PLA2G5: variants seen among roughly 807,000 people sequenced by gnomAD.
The protein encoded by PLA2G5 is Ca2+-dependent phospholipase A2.
PLA2G5 carries 12 observed loss-of-function variants against 15.9 expected under a neutral mutation model. The ratio of observed to expected loss-of-function variants is 0.76; its 90% confidence interval spans 0.48 to 1.23. PLA2G5 has a LOEUF of 1.23. Ranked by LOEUF, PLA2G5 falls within the 50% of genes most tolerant of loss-of-function variation. PLA2G5 has a pLI of 0.00. For missense variants in PLA2G5, 169 were observed against 177.1 expected (o/e 0.95, Z 0.26); for synonymous variants, 71 against 71.4 (o/e 0.99, Z 0.03).
intron 1 of PLA2G5, among the ~76,000 whole-genome samples, chr1:20,045,752 G>A (rs1325767858): frequency 2.0e-5 from 3 of 152,164 alleles, no homozygotes; most frequent in African/African-American, 7.2e-5. Flanking sequence ...TCTCCCAGTG[G>A]AGGCTCCCCT....
At chr1:20,035,769 G>T (rs2013210868) in intron 1 of PLA2G5, among the ~76,000 whole-genome samples, 1 of 152,094 alleles carries the variant, frequency 6.6e-6, no homozygotes, top group Non-Finnish European at 1.5e-5. Context: ...TGTGCTAGAT[G>T]TTGCCTGAAC....
At chr1:20,045,192 C>T (rs537711099) in intron 1 of PLA2G5, among the ~76,000 whole-genome samples, 12 of 152,192 alleles carry the variant, frequency 7.9e-5, no homozygotes, top group Middle Eastern at 3.4e-3. Context: ...CTTGAGAACA[C>T]AGGATAAGGG....
chr1:20,046,754 C>A (rs1046803312), intron 1 of PLA2G5, among the ~76,000 whole-genome samples: 3 of 152,132 alleles, frequency 2.0e-5, no homozygotes, highest in Non-Finnish European at 2.9e-5. Flanking sequence ...TGTGTTATGG[C>A]AAATGGGAGC....
chr1:20,045,761 C>T (rs191705151), intron 1 of PLA2G5, among the ~76,000 whole-genome samples: 71 of 152,308 alleles, frequency 4.7e-4, no homozygotes, highest in Admixed American at 3.6e-3. Context: ...GGAGGCTCCC[C>T]TATCCAAGTC....
intron 1 of PLA2G5, among the ~76,000 whole-genome samples, chr1:20,043,888 C>T (rs1337800520): frequency 1.3e-5 from 2 of 152,138 alleles, no homozygotes; most frequent in African/African-American, 4.8e-5. Context: ...TGAGAGTTAC[C>T]TGAAGCTAGG....
intron 1 of PLA2G5, among the ~76,000 whole-genome samples, chr1:20,041,259 T>C (rs1413374537): frequency 6.6e-6 from 1 of 152,068 alleles, no homozygotes; most frequent in African/African-American, 2.4e-5. Context: ...TTTGCTGAGG[T>C]CTGGGAGCAC....
At chr1:20,083,871 T>A (rs1227726794) in intron 1 of PLA2G5, among the ~76,000 whole-genome samples, 4 of 151,628 alleles carry the variant, frequency 2.6e-5, no homozygotes, top group Non-Finnish European at 5.9e-5. Flanking sequence ...AGAACAGTAA[T>A]ACCTACCCTG....
At chr1:20,051,369 G>A (rs1254486271) in intron 1 of PLA2G5, among the ~76,000 whole-genome samples, 2 of 152,196 alleles carry the variant, frequency 1.3e-5, no homozygotes, top group African/African-American at 4.8e-5. Flanking sequence ...ATATGAAGCA[G>A]AACAGGAATT....
chr1:20,076,996 C>T (rs962340812), intron 1 of PLA2G5: 1 of 152,278 alleles, frequency 6.6e-6, no homozygotes, highest in Non-Finnish European at 1.5e-5. Flanking sequence ...GTTTCCATGG[C>T]TACCCTTGGC....
At chr1:20,030,559 C>A (rs952836370) in intron 1 of PLA2G5, among the ~76,000 whole-genome samples, 1 of 151,994 alleles carries the variant, frequency 6.6e-6, no homozygotes, top group Non-Finnish European at 1.5e-5. Context: ...GCAAAGAGGC[C>A]TTCCTCTTTC....
intron 1 of PLA2G5, among the ~76,000 whole-genome samples, chr1:20,082,144 A>T (rs1448309289): frequency 2.0e-5 from 3 of 151,938 alleles, no homozygotes; most frequent in South Asian, 2.1e-4. Flanking sequence ...AGCAGGGATG[A>T]AAAGAAGTAA....
At chr1:20,079,435 C>T (rs1381762074) in intron 1 of PLA2G5, among the ~76,000 whole-genome samples, 2 of 152,150 alleles carry the variant, frequency 1.3e-5, no homozygotes, top group Non-Finnish European at 2.9e-5. Context: ...TGATATAGAG[C>T]CTGTGATGTT....
upstream of PLA2G5, among the ~76,000 whole-genome samples, chr1:20,068,503 G>A (rs1450683547): frequency 6.7e-6 from 1 of 149,870 alleles, no homozygotes; most frequent in Non-Finnish European, 1.5e-5. Context: ...CCAGGCTGGA[G>A]TGCAATGGCA....
At chr1:20,041,403 C>A (rs1456680454) in intron 1 of PLA2G5, among the ~76,000 whole-genome samples, 1 of 152,082 alleles carries the variant, frequency 6.6e-6, no homozygotes, top group Non-Finnish European at 1.5e-5. Context: ...AGGGGTGGGG[C>A]AGTTTTATAG....
chr1:20,068,596 C>G (rs577229006), upstream of PLA2G5, among the ~76,000 whole-genome samples: 1 of 151,884 alleles, frequency 6.6e-6, no homozygotes, highest in South Asian at 2.1e-4. Flanking sequence ...GGATTACAGG[C>G]ATGTGCCACC....
intron 1 of PLA2G5, among the ~76,000 whole-genome samples, chr1:20,049,570 C>T (rs977592550): frequency 2.6e-5 from 4 of 152,088 alleles, no homozygotes; most frequent in Non-Finnish European, 5.9e-5. Flanking sequence ...TTTTCCCTTG[C>T]TGTTCTCATG....
intron 1 of PLA2G5, among the ~76,000 whole-genome samples, chr1:20,074,915 T>C (rs775369167): frequency 6.6e-6 from 1 of 152,100 alleles, no homozygotes; most frequent in Admixed American, 6.5e-5. Context: ...TCAGCCCCAA[T>C]TCCCTCCCTT....
intron 1 of PLA2G5, among the ~76,000 whole-genome samples, chr1:20,039,984 A>G (rs1278597758): frequency 6.6e-6 from 1 of 152,190 alleles, no homozygotes; most frequent in Non-Finnish European, 1.5e-5. Flanking sequence ...ACCACAATGG[A>G]CTGGTATGGG....
intron 2 of PLA2G5, among the ~76,000 whole-genome samples, chr1:20,062,747 C>G (rs189794762): frequency 6.6e-6 from 1 of 152,286 alleles, no homozygotes; most frequent in Non-Finnish European, 1.5e-5. Context: ...GGAAGGGGCG[C>G]TGTCAATGTG....
Sources: gnomAD v4.1 joint callset for allele counts (sites outside exome capture counted in the v4.1 genomes callset) on GRCh38, gnomAD v4.1.1 for gene constraint, MANE v1.5 for transcripts, NCBI Gene and HGNC (gene_info 2026-07-23, HGNC 2026-07-21) for gene names.